The following ABCC9 variants were observed in gnomAD, a reference collection of about 807,000 sequenced individuals.
The protein encoded by ABCC9 is ATP-binding cassette sub-family C member 9.
A neutral mutation model predicts 188.3 loss-of-function variants in ABCC9; 95 were observed. The ratio of observed to expected loss-of-function variants is 0.50; its 90% CI spans 0.43 to 0.60. The LOEUF (loss-of-function observed/expected upper bound fraction) is 0.60. Ranked by LOEUF, ABCC9 falls within the 20% of genes least tolerant of loss-of-function variation. The pLI, the probability that ABCC9 is intolerant of heterozygous loss-of-function variation, is 0.00. For missense variants in ABCC9, 1,102 were observed against 1,876.3 expected (o/e 0.59, Z 7.62); for synonymous variants, 659 against 652.7 (o/e 1.01, Z -0.15).
intron 9 of ABCC9, 145 bp downstream of exon 9, chr12:21,910,681 C>T: frequency 1.4e-6 from 1 of 725,476 alleles, no homozygotes; most frequent in Admixed American, 2.7e-5. Flanking sequence ...CTGTTTCTTT[C>T]ATTAAGTAGA....
At chr12:21,903,218 C>G (rs527585560) in intron 12 of ABCC9, among the ~76,000 whole-genome samples, 55 of 152,188 alleles carry the variant, frequency 3.6e-4, no homozygotes, top group African/African-American at 1.3e-3. Flanking sequence ...AGGCCTTTGA[C>G]AAAATTCAAC....
At chr12:21,844,603 C>G in intron 27 of ABCC9, 51 bp from the exon 28 acceptor site, 3 of 1,579,948 alleles carry the variant, frequency 1.9e-6, no homozygotes, top group Non-Finnish European at 1.7e-6. Flanking sequence ...TATTTGGAAC[C>G]TGGGCATTGC....
chr12:21,836,510 T>G (rs1944104789), intron 30 of ABCC9, among the ~76,000 whole-genome samples: 1 of 152,208 alleles, frequency 6.6e-6, no homozygotes, highest in African/African-American at 2.4e-5. Flanking sequence ...CAATTATTCC[T>G]CATTCAAAGA....
chr12:21,910,264 T>C lies in ABCC9; in HGVS notation c.1213A>G (p.Met405Val), dbSNP rs142038412. The change falls in exon 10 of 40, where the codon ATG (methionine) becomes GTG (valine). Residue 405 changes from methionine to valine, a missense_variant. Physicochemically the swap from Met to Val is conservative, Grantham distance 21. Around this residue, in one of 12 missense-constraint regions of ABCC9, gnomAD observed 305 missense variants for 573.0 expected, o/e 0.53. Coordinates refer to ENST00000261200, the MANE Select transcript of ABCC9 (RefSeq NM_020297.4). Reference protein sequence around the residue: ...ILRLSTSNLSMGEMTLGQINN... With the variant: ...ILRLSTSNLSVGEMTLGQINN... The stretch of plus-strand genomic sequence containing the variant: ...ATCTGCCCCAGAGTCATCTCCCCCA[T>C]GGATAAGTTAGACGTAGAGAGCCTA... 2 of 1,608,772 alleles carry C rather than the reference T, an allele frequency of 1.2e-6. No homozygotes were observed. Among genetic ancestry groups the C allele is most frequent in the African/African-American group, 1.4e-5 (1 of 73,816 alleles).
At chr12:21,838,016 A>G (rs1944191198) in intron 30 of ABCC9, 62 bp downstream of exon 30, 2 of 1,289,074 alleles carry the variant, frequency 1.6e-6, no homozygotes, top group South Asian at 2.4e-5. Flanking sequence ...AGTTATTTGT[A>G]GAAAAATATT....
intron 15 of ABCC9, among the ~76,000 whole-genome samples, chr12:21,884,237 C>A (rs1161260626): frequency 6.6e-6 from 1 of 151,892 alleles, no homozygotes; most frequent in Non-Finnish European, 1.5e-5. Flanking sequence ...CCATGCCTGG[C>A]TAACTTATTT....
chr12:21,826,905 G>T (rs1397296835), intron 31 of ABCC9, among the ~76,000 whole-genome samples: 1 of 152,150 alleles, frequency 6.6e-6, no homozygotes. Flanking sequence ...GAGAGTTCTA[G>T]TAATAAGACT....
At chr12:21,899,698 G>A (rs1947619973) in intron 12 of ABCC9, among the ~76,000 whole-genome samples, 1 of 152,180 alleles carries the variant, frequency 6.6e-6, no homozygotes, top group African/African-American at 2.4e-5. Context: ...CACACCCATG[G>A]AGCCTCACTT....
At chr12:21,885,283 G>A (rs1017995473) in intron 15 of ABCC9, among the ~76,000 whole-genome samples, 1 of 152,106 alleles carries the variant, frequency 6.6e-6, no homozygotes, top group Non-Finnish European at 1.5e-5. Flanking sequence ...GTCATTTGTG[G>A]TTTGGCCCAT....
chr12:21,900,295 A>C (rs552752371), intron 12 of ABCC9, among the ~76,000 whole-genome samples: 1 of 152,310 alleles, frequency 6.6e-6, no homozygotes, highest in Admixed American at 6.5e-5. Flanking sequence ...CATCCACACC[A>C]AAACCCCATC....
chr12:21,810,609 T>C (rs1378973266), intron 36 of ABCC9, among the ~76,000 whole-genome samples: 2 of 152,076 alleles, frequency 1.3e-5, no homozygotes, highest in Non-Finnish European at 2.9e-5. Context: ...ACTCACTCAC[T>C]ATTATGAGAA....
chr12:21,926,148 A>G, intron 4 of ABCC9, 85 bp from the exon 5 acceptor site: 2 of 1,561,546 alleles, frequency 1.3e-6, no homozygotes, highest in Non-Finnish European at 1.8e-6. Flanking sequence ...TAAGAACTCT[A>G]TCTTAGCAAT....
At chr12:21,802,389 G>C (rs1311118112) in intron 39 of ABCC9, among the ~76,000 whole-genome samples, 4 of 149,128 alleles carry the variant, frequency 2.7e-5, no homozygotes, top group Non-Finnish European at 3.0e-5. Flanking sequence ...TTCAATAGAA[G>C]TATAATGGGA....
At chr12:21,918,212 AAG>A (rs1368873687) in intron 5 of ABCC9, among the ~76,000 whole-genome samples, 2 of 152,168 alleles carry the variant, frequency 1.3e-5, no homozygotes, top group Admixed American at 1.3e-4. Flanking sequence ...AGAAATAAAA[AAG>A]ACTTTTAATA....
At chr12:21,936,819 A>T in intron 2 of ABCC9, 125 bp from the exon 3 acceptor site, 1 of 693,286 alleles carries the variant, frequency 1.4e-6, no homozygotes, top group Non-Finnish European at 2.3e-6. Context: ...ATAGCTGAGG[A>T]AATAAGAAAC....
At chr12:21,857,005 G>A (rs1945259593) in intron 22 of ABCC9, among the ~76,000 whole-genome samples, 1 of 152,082 alleles carries the variant, frequency 6.6e-6, no homozygotes, top group Non-Finnish European at 1.5e-5. Context: ...AGAATCAAAT[G>A]GGATAATACT....
intron 31 of ABCC9, among the ~76,000 whole-genome samples, chr12:21,822,377 A>C (rs2137227381): frequency 1.3e-5 from 2 of 151,338 alleles, no homozygotes; most frequent in African/African-American, 4.9e-5. Flanking sequence ...TTTTATCTTG[A>C]TTTGCATAAG....
intron 31 of ABCC9, among the ~76,000 whole-genome samples, chr12:21,824,218 C>T (rs1395847277): frequency 1.3e-5 from 2 of 152,092 alleles, no homozygotes; most frequent in Non-Finnish European, 2.9e-5. Flanking sequence ...TGAATTTTAT[C>T]GAAGGCCTTT....
chr12:21,808,876 A>G (rs1484345183), intron 37 of ABCC9, among the ~76,000 whole-genome samples: 1 of 151,906 alleles, frequency 6.6e-6, no homozygotes, highest in Non-Finnish European at 1.5e-5. Flanking sequence ...TCAATAAAAC[A>G]TTCCTTAAAG....
Sources: allele counts gnomAD v4.1 joint callset (sites outside exome capture counted in the v4.1 genomes callset), GRCh38; gene constraint gnomAD v4.1.1; regional missense constraint gnomAD v4.1.1; transcripts MANE v1.5; gene names NCBI Gene and HGNC (gene_info 2026-07-23, HGNC 2026-07-21).